Variants in CFHR1 observed in about 807,000 individuals in gnomAD.
The protein encoded by CFHR1 is complement factor H-related protein 1.
A neutral mutation model predicts 30.4 loss-of-function variants in CFHR1; 22 were observed. The observed-to-expected ratio is 0.72, with a 90% CI of 0.52 to 1.03. The LOEUF is 1.03. Ranked by LOEUF, CFHR1 falls within the 50% of genes least tolerant of loss-of-function variation. CFHR1 has a pLI of 0.00. For synonymous variants in CFHR1, 95 were observed against 129.1 expected (o/e 0.74, Z 1.79); for missense variants, 248 against 380.6 (o/e 0.65, Z 2.90).
intron 5 of CFHR1, 47 bp downstream of exon 5, chr1:196,830,729 T>A: frequency 6.6e-7 from 1 of 1,508,514 alleles, no homozygotes; most frequent in Non-Finnish European, 9.0e-7. Flanking sequence ...GTGTGATGAG[T>A]CTGATATTTT....
intron 4 of CFHR1, among the ~76,000 whole-genome samples, chr1:196,828,836 T>G (rs1655440179): frequency 7.6e-6 from 1 of 131,128 alleles, no homozygotes; most frequent in Non-Finnish European, 1.6e-5. Context: ...ACTCTACCTA[T>G]GTTTATTATT....
chr1:196,829,455 T>G (rs1482613603), intron 4 of CFHR1, among the ~76,000 whole-genome samples: 2 of 135,660 alleles, frequency 1.5e-5, no homozygotes, highest in East Asian at 2.0e-4. Flanking sequence ...TTCTTTTATC[T>G]GTTTTATTTT....
At position 196,825,539 on chromosome 1, in the gene CFHR1, C is replaced by T. The variant is rs1176141716; in HGVS notation, c.121C>T (p.Pro41Ser). Residue 41 changes from proline to serine, a missense_variant, in exon 2 of 6, where the codon CCA becomes TCA. Physicochemically the swap from Pro to Ser is moderately conservative, Grantham distance 74. This residue lies in a region of CFHR1 where 121 missense variants were observed against 162.6 expected (regional missense o/e 0.74). Coordinates refer to ENST00000320493, the MANE Select transcript of CFHR1 (RefSeq NM_002113.3). ...GILYDEEKYK[P>S]FSQVPTGEVF... ...TCTATATGATGAAGAAAAATATAAG[C>T]CATTTTCCCAGGTTCCTACAGGGGA... The T allele has an allele frequency of 1.3e-6, 2 of 1,520,986 alleles. 1 individual carries two copies. The highest frequency in any genetic ancestry group is 2.5e-5 in the South Asian group (2 of 80,016). 94.2% of individuals were successfully genotyped at this position (1,520,986 alleles called of 1,614,324 possible). A position where few individuals can be genotyped will look rare whatever the true frequency, so the allele number is the denominator to read the frequency against.
chr1:196,822,027 A>G (rs1655137307), intron 1 of CFHR1, among the ~76,000 whole-genome samples: 1 of 131,968 alleles, frequency 7.6e-6, no homozygotes, highest in Non-Finnish European at 1.6e-5. Flanking sequence ...AGTACAATAA[A>G]AATACAGTAT....
In CFHR1 at chr1:196,827,016, T is replaced by C; in HGVS notation, c.430+11T>C. The C allele has an allele frequency of 6.6e-7, 1 of 1,518,238 alleles. No homozygotes were observed. Among genetic ancestry groups the C allele is most frequent in the Non-Finnish European group, 8.9e-7 (1 of 1,123,150 alleles). 94.0% of individuals were successfully genotyped at this position (1,518,238 alleles called of 1,614,324 possible). ...AATGCAGGTCCACTGGTAAGTACAA[T>C]GCTGTTCTCTCATATGCTGTTATCT... On this transcript the variant is annotated intron_variant, in intron 3 of 5. Transcript: ENST00000320493.
At position 196,826,825 on chromosome 1, in the gene CFHR1, T is replaced by C. The variant is rs1481835211; in HGVS notation, c.254-4T>C. ...TTGTACATTAATCCGTTTTTGGTCC[T>C]TAGGACTGTGTTTCTTTCCTTTTGT... is the stretch of plus-strand genomic sequence containing the variant. On this transcript the variant is annotated splice_polypyrimidine_tract_variant and splice_region_variant and intron_variant, in intron 2 of 5. Coordinates refer to ENST00000320493, the MANE Select transcript of CFHR1 (RefSeq NM_002113.3). 6.6e-7 allele frequency: 1 copy of C among 1,523,052 alleles called. No individual in the cohort carries two copies. Among genetic ancestry groups the C allele is most frequent in the South Asian group, 1.2e-5 (1 of 80,204 alleles). 94.3% of individuals were successfully genotyped at this position (1,523,052 alleles called of 1,614,324 possible). A position where few individuals can be genotyped will look rare whatever the true frequency, so the allele number is the denominator to read the frequency against.
intron 1 of CFHR1, among the ~76,000 whole-genome samples, chr1:196,824,824 A>T (rs1655264693): frequency 8.6e-6 from 1 of 116,648 alleles, no homozygotes. Flanking sequence ...ATATAAATAC[A>T]AATATACAAA....
At position 196,832,017 on chromosome 1, in the gene CFHR1, A is replaced by G; in HGVS notation, c.*18A>G. The G allele has an allele frequency of 6.6e-7, 1 of 1,511,262 alleles. No homozygotes were observed. Among genetic ancestry groups the G allele is most frequent in the Non-Finnish European group, 9.0e-7 (1 of 1,116,638 alleles). 93.6% of individuals were successfully genotyped at this position (1,511,262 alleles called of 1,614,324 possible). A position where few individuals can be genotyped will look rare whatever the true frequency, so the allele number is the denominator to read the frequency against. ...AAAGATAGAATCAATCATAAAATGCACACCTTTATTCAGAACTTTAGTATT... is the reference window on the plus strand; with the variant it reads ...AAAGATAGAATCAATCATAAAATGCGCACCTTTATTCAGAACTTTAGTATT... On this transcript the variant is annotated 3_prime_UTR_variant, in exon 6 of 6. Transcript: ENST00000320493.
rs1266684993 is a variant in CFHR1 at position 196,829,696 on chromosome 1, A to C, written c.608-804A>C. Among the ~76,000 whole-genome samples the C allele has an allele frequency of 7.4e-5, 10 of 135,234 alleles. 3 individuals are homozygous for C. The highest frequency in any genetic ancestry group is 1.6e-4 in the Non-Finnish European group (10 of 64,226). 88.7% of individuals were successfully genotyped at this position (135,234 alleles called of 152,430 possible). On this transcript the variant is annotated intron_variant, in intron 4 of 5. Transcript: ENST00000320493. ...ATTGTTGATCCCCTCAAGGAAAAGCATAGTTTTTGTCTAGTTGCTTTCAAG... is the reference window on the plus strand; with the variant it reads ...ATTGTTGATCCCCTCAAGGAAAAGCCTAGTTTTTGTCTAGTTGCTTTCAAG...
chr1:196,822,354 A>G (rs1353230935), intron 1 of CFHR1, among the ~76,000 whole-genome samples: 1 of 132,594 alleles, frequency 7.5e-6, no homozygotes, highest in African/African-American at 3.3e-5. Context: ...TTCGATAATA[A>G]ATTAACCTTA....
rs2124886567 is a variant in CFHR1, at chr1:196,823,793, C to T, written c.59-1684C>T. On this transcript the variant is annotated intron_variant, in intron 1 of 5. Transcript: ENST00000320493. The stretch of plus-strand genomic sequence containing the variant: ...TACTCAAAGATAAAGCATATCAAAC[C>T]CATAGAACGTACAACATCAAGAGTG... 1.5e-5 allele frequency among the ~76,000 whole-genome samples: 2 copies of T among 134,292 alleles called. 1 individual carries two copies. The highest frequency in any genetic ancestry group is 5.1e-4 in the South Asian group (2 of 3,896). The allele number at this position is 134,292 out of a possible 152,430, so 88.1% of individuals were successfully genotyped here.
chr1:196,825,771 C>A, intron 2 of CFHR1, 100 bp downstream of exon 2: 1 of 1,213,864 alleles, frequency 8.2e-7, no homozygotes, highest in Non-Finnish European at 1.2e-6. Context: ...GGGACAGTGA[C>A]CAAAGAAGCT....
intron 1 of CFHR1, 113 bp from the exon 2 acceptor site, chr1:196,825,364 G>A (rs1655282046): frequency 2.5e-6 from 2 of 792,324 alleles, no homozygotes; most frequent in Non-Finnish European, 3.8e-6. Flanking sequence ...TAAGCTAAAG[G>A]CATTTAAGCT....
chr1:196,829,406 A>T lies in CFHR1; in HGVS notation c.608-1094A>T, dbSNP rs183070201. ...ATTGACTCCTCTTTTTATCCATTAT[A>T]TCGTTCTATTTTTTCAGGATCCTGA... On this transcript the variant is annotated intron_variant, in intron 4 of 5. Transcript: ENST00000320493. 3.0e-5 allele frequency among the ~76,000 whole-genome samples: 4 copies of T among 135,574 alleles called. 1 individual carries two copies. The South Asian group carries it at 7.5e-4, about 25-fold the overall frequency. 88.9% of individuals were successfully genotyped at this position (135,574 alleles called of 152,430 possible). A position where few individuals can be genotyped will look rare whatever the true frequency, so the allele number is the denominator to read the frequency against.
At position 196,830,080 on chromosome 1, in the gene CFHR1, T is replaced by A. The variant is rs1352224737; in HGVS notation, c.608-420T>A. On this transcript the variant is annotated intron_variant, in intron 4 of 5. Transcript: ENST00000320493. Reference sequence around the variant, plus strand: ...AAGTATATTCAGTGTTTTTAAAAAATTTTTATCATACTTTTCCATTTTATA... The same window carrying A: ...AAGTATATTCAGTGTTTTTAAAAAAATTTTATCATACTTTTCCATTTTATA... 1.8e-4 allele frequency among the ~76,000 whole-genome samples: 25 copies of A among 135,618 alleles called. 8 individuals carry two copies. The highest frequency in any genetic ancestry group is 4.1e-4 in the African/African-American group (13 of 31,896). 89.0% of individuals were successfully genotyped at this position (135,618 alleles called of 152,430 possible). A position where few individuals can be genotyped will look rare whatever the true frequency, so the allele number is the denominator to read the frequency against.
rs1346518784 is a variant in CFHR1 at position 196,829,076 on chromosome 1, G to T, written c.607+830G>T. 5.2e-5 allele frequency among the ~76,000 whole-genome samples: 7 copies of T among 133,940 alleles called. 2 individuals are homozygous for T. Among genetic ancestry groups the T allele is most frequent in the African/African-American group, 1.6e-4 (5 of 31,308 alleles). The allele number at this position is 133,940 out of a possible 152,430, so 87.9% of individuals were successfully genotyped here. A position where few individuals can be genotyped will look rare whatever the true frequency, so the allele number is the denominator to read the frequency against. ...GAAAATTATTAAGGAGATTAATTTTGATTCATATGTATTGTTTTCCATTGT... is the reference window on the plus strand; with the variant it reads ...GAAAATTATTAAGGAGATTAATTTTTATTCATATGTATTGTTTTCCATTGT... On this transcript the variant is annotated intron_variant, in intron 4 of 5. Transcript: ENST00000320493.
Position 196,823,083 on chromosome 1 carries a change from GTA to G in CFHR1, c.59-2376_59-2375del, listed in dbSNP as rs533753280. On this transcript the variant is annotated intron_variant, in intron 1 of 5. Coordinates refer to ENST00000320493, the MANE Select transcript of CFHR1 (RefSeq NM_002113.3). ...TTATGTGGTGAATAACTGTACGACT[GTA>G]TATATATATATATATATGTGTGTGT... 3.5e-3 allele frequency among the ~76,000 whole-genome samples: 419 copies of G among 119,268 alleles called. 71 individuals carry two copies. The highest frequency in any genetic ancestry group is 5.7e-3 in the African/African-American group (144 of 25,080). 78.2% of individuals were successfully genotyped at this position (119,268 alleles called of 152,430 possible).
In CFHR1 at chr1:196,830,355, A is replaced by G. The variant is rs190166981; in HGVS notation, c.608-145A>G. ...ATATTACTTTCAGTTTAAAGGATTA[A>G]AATTTCTTCCAGGACTCATTTCTTT... On this transcript the variant is annotated intron_variant, in intron 4 of 5. Coordinates refer to ENST00000320493, the MANE Select transcript of CFHR1 (RefSeq NM_002113.3). 4,815 of 916,912 alleles carry G rather than the reference A, an allele frequency of 5.3e-3. 586 individuals are homozygous for G. Among genetic ancestry groups the G allele is most frequent in the Non-Finnish European group, 6.9e-3 (4,225 of 615,236 alleles). 56.8% of individuals were successfully genotyped at this position (916,912 alleles called of 1,614,324 possible).
At chr1:196,825,833 C>A in intron 2 of CFHR1, 162 bp downstream of exon 2, 1 of 646,064 alleles carries the variant, frequency 1.5e-6, no homozygotes. Flanking sequence ...CTATAAGAAT[C>A]AATGAAGAAT....
Sources: allele counts gnomAD v4.1 joint callset (sites outside exome capture counted in the v4.1 genomes callset), GRCh38; gene constraint gnomAD v4.1.1; regional missense constraint gnomAD v4.1.1; transcripts MANE v1.5; gene names NCBI Gene and HGNC (gene_info 2026-07-23, HGNC 2026-07-21).